ZSCAN29: variants seen among roughly 807,000 people sequenced by gnomAD.
ZSCAN29 encodes zinc finger and SCAN domain-containing protein 29.
ZSCAN29 carries 55 observed loss-of-function variants against 71.9 expected under a neutral mutation model. The ratio of observed to expected loss-of-function variants is 0.76; its 90% CI spans 0.62 to 0.96. ZSCAN29 has a LOEUF of 0.96. ZSCAN29 is among the 40% of genes least tolerant of loss of function. The probability of loss-of-function intolerance (pLI) is 0.00; values close to 1 mark genes in which losing one functional copy is unlikely to be tolerated. For missense variants in ZSCAN29, 1,042 were observed against 1,042.2 expected, an observed-to-expected ratio of 1.00 and a Z score of 0.00; for synonymous variants, 351 against 371.6, an observed-to-expected ratio of 0.94 and a Z score of 0.64.
Position 43,358,361 on chromosome 15 carries a change from CT to C in ZSCAN29, c.*2711del, listed in dbSNP as rs58184516. On this transcript the variant is annotated 3_prime_UTR_variant, in exon 6 of 6. Transcript: ENST00000684362. Reference sequence around the variant, plus strand: ...ATACATAGATATACTAAAGACAATACTTTTTTTTTTTTTTGACATTACAGCA... The same window carrying C: ...ATACATAGATATACTAAAGACAATACTTTTTTTTTTTTTGACATTACAGCA... 4.3e-3 allele frequency: 621 copies of C among 145,158 alleles called. No individual in the cohort carries two copies. The highest frequency in any genetic ancestry group is 4.3e-3 in the Admixed American group (62 of 14,448). The allele number at this position is 145,158 out of a possible 1,614,324, so 9.0% of individuals were successfully genotyped here.
Position 43,366,254 on chromosome 15 carries a change from C to G in ZSCAN29, c.1078G>C (p.Glu360Gln). ...SGLVGSDAETEEPGQRGWQHE... is the reference protein window; with the variant it reads ...SGLVGSDAETQEPGQRGWQHE... ...TGCCAGCCCCTCTGCCCTGGCTCTT[C>G]AGTCTCAGCATCGCTGCCTACCAGG... Residue 360 changes from glutamate (E) to glutamine (Q), a missense_variant, in exon 4 of 6, where the codon GAA (glutamate) becomes CAA (glutamine). Transcript: ENST00000684362. 1 of 1,613,612 alleles carries G rather than the reference C, an allele frequency of 6.2e-7. No individual in the cohort carries two copies. The highest frequency in any genetic ancestry group is 8.5e-7 in the Non-Finnish European group (1 of 1,180,032).
At chr15:43,363,689 T>A (rs2044005344) in intron 5 of ZSCAN29, 8 of 452,700 alleles carry the variant, frequency 1.8e-5, no homozygotes, top group Non-Finnish European at 3.1e-5. Context: ...ACAGCAAATT[T>A]ACAATGTGCA....
rs971244123 is a variant in ZSCAN29, at chr15:43,360,875, G to A, written c.*198C>T. On this transcript the variant is annotated 3_prime_UTR_variant, in exon 6 of 6. Transcript: ENST00000684362. ...TCAGATGCAGGCAAAGAGAGGGACT[G>A]AAATCTTCCTTTCATTCTTTAGACT... 18 of 684,934 alleles carry A rather than the reference G, an allele frequency of 2.6e-5. No individual in the cohort carries two copies. The highest frequency in any genetic ancestry group is 5.5e-5 in the Admixed American group (2 of 36,564). 42.4% of individuals were successfully genotyped at this position (684,934 alleles called of 1,614,324 possible). A position where few individuals can be genotyped will look rare whatever the true frequency, so the allele number is the denominator to read the frequency against.
Position 43,363,923 on chromosome 15 carries a change from C to A in ZSCAN29, c.1682G>T (p.Ser561Ile). 1 of 1,591,202 alleles carries A rather than the reference C, an allele frequency of 6.3e-7. No individual in the cohort carries two copies. Among genetic ancestry groups the A allele is most frequent in the Non-Finnish European group, 8.6e-7 (1 of 1,166,080 alleles). The change falls in exon 5 of 6, where the codon AGC becomes ATC. Residue 561 changes from serine to isoleucine, a missense_variant. Transcript: ENST00000684362. ...VITRAPVLFQSPRGFEAGFEN... is the reference protein window; with the variant it reads ...VITRAPVLFQIPRGFEAGFEN... ...TAGTGAAATAATCTTACCACGGGGG[C>A]TTTGGAATAACACTGGAGCACGGGT...
chr15:43,369,549 C>T, intron 2 of ZSCAN29, 47 bp downstream of exon 2: 1 of 1,563,640 alleles, frequency 6.4e-7, no homozygotes, highest in East Asian at 2.2e-5. Context: ...ATTTAGCCCT[C>T]CACCCAGTAT....
intron 3 of ZSCAN29, among the ~76,000 whole-genome samples, chr15:43,367,546 C>A (rs1206548733): frequency 6.6e-6 from 1 of 152,160 alleles, no homozygotes; most frequent in Non-Finnish European, 1.5e-5. Context: ...TACCGTCAGC[C>A]CTCCCTCATC....
In ZSCAN29 at chr15:43,367,415, C is replaced by G. The variant is rs1267480582; in HGVS notation, c.524-607G>C. On this transcript the variant is annotated intron_variant, in intron 3 of 5. Coordinates refer to ENST00000684362, the MANE Select transcript of ZSCAN29 (RefSeq NM_001372080.1). ...CTACCATACCCATTCCTGTCAGACTCTTCCCTTCAGAACACAGCACACTGT... is the reference window on the plus strand; with the variant it reads ...CTACCATACCCATTCCTGTCAGACTGTTCCCTTCAGAACACAGCACACTGT... Among the ~76,000 whole-genome samples, 5 of 152,202 alleles carry G rather than the reference C, an allele frequency of 3.3e-5. No homozygotes were observed. In the East Asian group the frequency reaches 9.6e-4, roughly 29 times the overall value.
Position 43,369,591 on chromosome 15 carries a change from C to T in ZSCAN29, c.318+5G>A, listed in dbSNP as rs758712288. 7 of 1,608,730 alleles carry T rather than the reference C, an allele frequency of 4.4e-6. No individual in the cohort carries two copies. The highest frequency in any genetic ancestry group is 6.0e-6 in the Non-Finnish European group (7 of 1,176,306). On this transcript the variant is annotated splice_donor_5th_base_variant and intron_variant, in intron 2 of 5. Transcript: ENST00000684362. ...TTTGAATTTGAATTCCCCCTCCCTTCTCACCGAAGATCTAGGTCTTCCAGG... is the reference window on the plus strand; with the variant it reads ...TTTGAATTTGAATTCCCCCTCCCTTTTCACCGAAGATCTAGGTCTTCCAGG...
Position 43,361,029 on chromosome 15 carries a change from C to A in ZSCAN29, c.*44G>T, listed in dbSNP as rs750676470. On this transcript the variant is annotated 3_prime_UTR_variant, in exon 6 of 6. Transcript: ENST00000684362. ...TCTCACTATTGGAAGACTTTCTAAA[C>A]AATACATTTATTGAGCCTCTTTCCG... 16 of 1,529,652 alleles carry A rather than the reference C, an allele frequency of 1.0e-5. No individual in the cohort carries two copies. The highest frequency in any genetic ancestry group is 2.8e-5 in the African/African-American group (2 of 72,032). The allele number at this position is 1,529,652 out of a possible 1,614,324, so 94.8% of individuals were successfully genotyped here.
At chr15:43,364,706 T>G (rs928365744) in intron 4 of ZSCAN29, among the ~76,000 whole-genome samples, 4 of 151,330 alleles carry the variant, frequency 2.6e-5, no homozygotes, top group Non-Finnish European at 4.4e-5. Flanking sequence ...GACAACATGG[T>G]GAAAGCCTGT....
Position 43,364,117 on chromosome 15 carries a change from G to A in ZSCAN29, c.1488C>T (p.Val496=), listed in dbSNP as rs1447095097. 2 of 1,614,150 alleles carry A rather than the reference G, an allele frequency of 1.2e-6. No individual in the cohort carries two copies. Among genetic ancestry groups the A allele is most frequent in the Middle Eastern group, 1.7e-4 (1 of 6,060 alleles). ...FFEEMDALVS[V]RVAAPPNDGQ... ...CATCATTGGGTGGGGCAGCAACCCG[G>A]ACACTCACCAAAGCATCCATCTCTT... The change falls in exon 5 of 6, where the codon GTC becomes GTT. Residue 496 remains valine (V), a synonymous_variant. Coordinates refer to ENST00000684362, the MANE Select transcript of ZSCAN29 (RefSeq NM_001372080.1).
In ZSCAN29 at chr15:43,363,998, T is replaced by C. The variant is rs750431845; in HGVS notation, c.1607A>G (p.Asp536Gly). ...AGTATCCTCTTCATCATCATCAGAA[T>C]CTTCCTCTGTGGCCTCGTCTGCTTC... The part of the protein sequence containing the change: ...AEEADEATEE[D>G]SDDDEEDTEI... Residue 536 changes from aspartate to glycine, a missense_variant, in exon 5 of 6, where the codon GAT becomes GGT. By Grantham distance (94) the Asp-to-Gly change is moderately conservative. Coordinates refer to ENST00000684362, the MANE Select transcript of ZSCAN29 (RefSeq NM_001372080.1). 3 of 1,614,192 alleles carry C rather than the reference T, an allele frequency of 1.9e-6. No individual in the cohort carries two copies. The highest frequency in any genetic ancestry group is 2.2e-5 in the South Asian group (2 of 91,088).
At chr15:43,366,041 C>T in intron 4 of ZSCAN29, 69 bp downstream of exon 4, 1 of 1,488,596 alleles carries the variant, frequency 6.7e-7, no homozygotes, top group Non-Finnish European at 9.0e-7. Context: ...ATTAAGCCTT[C>T]TGACTCCACA....
Position 43,366,786 on chromosome 15 carries a change from A to G in ZSCAN29, c.546T>C (p.Gly182=). The change falls in exon 4 of 6, where the codon GGT becomes GGC. Residue 182 remains glycine, a synonymous_variant. Transcript: ENST00000684362. ...CTCCTTGCTCCAACCTGGAGACCAC[A>G]CCGGATTTAGGAAATGGCAATCCTG... is the stretch of plus-strand genomic sequence containing the variant. ...QRSGLPFPKS[G]VVSRLEQGEP... 3 of 1,611,518 alleles carry G rather than the reference A, an allele frequency of 1.9e-6. No homozygotes were observed. Among genetic ancestry groups the G allele is most frequent in the Non-Finnish European group, 2.5e-6 (3 of 1,179,182 alleles).
chr15:43,368,050 A>C (rs2044056619), intron 3 of ZSCAN29, among the ~76,000 whole-genome samples: 1 of 152,058 alleles, frequency 6.6e-6, no homozygotes, highest in South Asian at 2.1e-4. Context: ...CCAGGTGAAC[A>C]AAAAAATATA....
rs1005938967 is a variant in ZSCAN29 at position 43,370,849 on chromosome 15, C to G, written c.-404G>C. ...GTGCGGTCCCTCCAGAGGCCTCTGA[C>G]CCGGCTAAGGCGCCCTGAGGGCGCC... On this transcript the variant is annotated 5_prime_UTR_variant, in exon 1 of 6. Transcript: ENST00000684362. The G allele has an allele frequency of 2.4e-5, 4 of 168,726 alleles. No individual in the cohort carries two copies. The highest frequency in any genetic ancestry group is 9.6e-5 in the African/African-American group (4 of 41,580). The allele number at this position is 168,726 out of a possible 1,614,324, so 10.5% of individuals were successfully genotyped here.
Position 43,359,041 on chromosome 15 carries a change from A to T in ZSCAN29, c.*2032T>A, listed in dbSNP as rs188385418. On this transcript the variant is annotated 3_prime_UTR_variant, in exon 6 of 6. Transcript: ENST00000684362. ...AAACACCTTGCTCCCCCTTTTTCCC[A>T]TTCCTCAACCCACCCAGCACTCAAT... is the stretch of plus-strand genomic sequence containing the variant. 6.6e-6 allele frequency: 1 copy of T among 151,988 alleles called. No individual in the cohort carries two copies. The highest frequency in any genetic ancestry group is 2.4e-5 in the African/African-American group (1 of 41,358). The allele number at this position is 151,988 out of a possible 1,614,324, so 9.4% of individuals were successfully genotyped here. A position where few individuals can be genotyped will look rare whatever the true frequency, so the allele number is the denominator to read the frequency against.
In ZSCAN29 at chr15:43,361,162, C is replaced by A; in HGVS notation, c.2470G>T (p.Gly824Cys). The change falls in exon 6 of 6, where the codon GGT becomes TGT. Residue 824 changes from glycine to cysteine, a missense_variant. Transcript: ENST00000684362. ...GEKPYGCHDC[G>C]KCFSKSSALN... is the part of the protein sequence containing the mutation. Reference sequence around the variant, plus strand: ...GCAGAGCTTTTACTGAAGCACTTACCACAGTCATGACACCCATAGGGTTTC... The same window carrying A: ...GCAGAGCTTTTACTGAAGCACTTACAACAGTCATGACACCCATAGGGTTTC... The A allele has an allele frequency of 1.2e-6, 2 of 1,614,142 alleles. No homozygotes were observed. Among genetic ancestry groups the A allele is most frequent in the Non-Finnish European group, 1.7e-6 (2 of 1,180,002 alleles).
At position 43,360,727 on chromosome 15, in the gene ZSCAN29, C is replaced by A; in HGVS notation, c.*346G>T. The A allele has an allele frequency of 9.9e-6, 2 of 201,102 alleles. No individual in the cohort carries two copies. Among genetic ancestry groups the A allele is most frequent in the South Asian group, 1.3e-4 (1 of 7,412 alleles). 12.5% of individuals were successfully genotyped at this position (201,102 alleles called of 1,614,324 possible). A position where few individuals can be genotyped will look rare whatever the true frequency, so the allele number is the denominator to read the frequency against. On this transcript the variant is annotated 3_prime_UTR_variant, in exon 6 of 6. Transcript: ENST00000684362. ...ATGGGTTTTTCCTGTCAAAATGCAG[C>A]TGAATGACAGAATGAGTAAAGAAGG...
Sources: allele counts gnomAD v4.1 joint callset (sites outside exome capture counted in the v4.1 genomes callset), GRCh38; gene constraint gnomAD v4.1.1; transcripts MANE v1.5; gene names NCBI Gene and HGNC (gene_info 2026-07-23, HGNC 2026-07-21).